Variants in PALM2AKAP2 observed in about 807,000 individuals in gnomAD.
PALM2AKAP2 encodes PALM2-AKAP2 fusion protein.
A neutral mutation model predicts 71.5 loss-of-function variants in PALM2AKAP2; 37 were observed. The ratio of observed to expected loss-of-function variants is 0.52; its 90% CI spans 0.40 to 0.68. The LOEUF (loss-of-function observed/expected upper bound fraction) is 0.68. Ranked by LOEUF, PALM2AKAP2 falls within the 30% of genes least tolerant of loss-of-function variation. PALM2AKAP2 has a pLI of 0.00. For missense variants in PALM2AKAP2, 1,224 were observed against 1,191.8 expected (o/e 1.03, Z -0.40); for synonymous variants, 468 against 478.8 (o/e 0.98, Z 0.29).
chr9:110,020,927 G>A (rs575231036), intron 7 of PALM2AKAP2, among the ~76,000 whole-genome samples: 86 of 152,120 alleles, frequency 5.7e-4, no homozygotes, highest in Non-Finnish European at 1.0e-3. Context: ...GGCCAACATG[G>A]TGAAACCCTG....
intron 3 of PALM2AKAP2, among the ~76,000 whole-genome samples, chr9:109,883,913 C>G (rs1306414290): frequency 2.0e-5 from 3 of 152,170 alleles, no homozygotes; most frequent in African/African-American, 7.2e-5. Context: ...GGGAGAGGTA[C>G]AAGAGGGCTG....
At chr9:110,136,147 G>A in exon 2 of PALM2AKAP2, 1 of 1,587,968 alleles carries the variant, frequency 6.3e-7, no homozygotes, top group East Asian at 2.2e-5. Context: ...AGCTTTCTGA[G>A]GATGATATCT....
At chr9:109,659,600 G>A (rs957443871) in intron 1 of PALM2AKAP2, among the ~76,000 whole-genome samples, 1 of 151,968 alleles carries the variant, frequency 6.6e-6, no homozygotes, top group African/African-American at 2.4e-5. Flanking sequence ...AGTATTCCAG[G>A]TCTTTTATTG....
chr9:110,068,853 A>T (rs961733044), intron 1 of PALM2AKAP2, among the ~76,000 whole-genome samples: 1 of 152,104 alleles, frequency 6.6e-6, no homozygotes, highest in Non-Finnish European at 1.5e-5. Flanking sequence ...TTAAAAGAGA[A>T]CTTCTTTCTT....
chr9:110,169,456 T>C (rs1836808358), exon 4 of PALM2AKAP2: 1 of 152,086 alleles, frequency 6.6e-6, no homozygotes, highest in Non-Finnish European at 1.5e-5. Context: ...AGGTAGATGA[T>C]AAGAAATAAA....
At chr9:109,738,325 C>T (rs959848471) in intron 1 of PALM2AKAP2, among the ~76,000 whole-genome samples, 3 of 152,162 alleles carry the variant, frequency 2.0e-5, no homozygotes, top group African/African-American at 4.8e-5. Context: ...CCACCAGGGG[C>T]TTACTGATTG....
chr9:110,138,277 T>C (rs1365184722), exon 2 of PALM2AKAP2: 4 of 1,614,230 alleles, frequency 2.5e-6, no homozygotes, highest in African/African-American at 1.3e-5. Flanking sequence ...AAGGAAGCTA[T>C]TTCAGCAAGT....
chr9:110,091,405 TG>T (rs1564299393), intron 1 of PALM2AKAP2, among the ~76,000 whole-genome samples: 163 of 19,948 alleles, frequency 8.2e-3, no homozygotes, highest in African/African-American at 0.067. Flanking sequence ...GTGGTTGGGG[TG>T]TGTGTGTGTG....
At chr9:110,078,994 C>T (rs189878906) in intron 1 of PALM2AKAP2, among the ~76,000 whole-genome samples, 3 of 152,264 alleles carry the variant, frequency 2.0e-5, no homozygotes, top group Admixed American at 2.0e-4. Flanking sequence ...GAAATATCGC[C>T]CTGGGCCGTT....
intron 1 of PALM2AKAP2, among the ~76,000 whole-genome samples, chr9:109,753,708 A>G (rs1292794913): frequency 1.3e-5 from 2 of 152,190 alleles, no homozygotes; most frequent in Non-Finnish European, 1.5e-5. Context: ...AAGTTAACTC[A>G]TCGAGGCAGT....
At chr9:109,722,973 T>C (rs1044500397) in intron 1 of PALM2AKAP2, among the ~76,000 whole-genome samples, 2 of 152,144 alleles carry the variant, frequency 1.3e-5, no homozygotes, top group Non-Finnish European at 2.9e-5. Context: ...CAAAGCCAAG[T>C]TGCCAGGTTC....
chr9:109,934,952 T>C (rs1368602607), intron 6 of PALM2AKAP2, among the ~76,000 whole-genome samples: 3 of 152,230 alleles, frequency 2.0e-5, no homozygotes, highest in Non-Finnish European at 4.4e-5. Flanking sequence ...ATTAAATTTC[T>C]TCTTGTTAGA....
intron 1 of PALM2AKAP2, among the ~76,000 whole-genome samples, chr9:110,134,155 C>T (rs969636004): frequency 6.6e-6 from 1 of 151,726 alleles, no homozygotes; most frequent in African/African-American, 2.4e-5. Context: ...CATGGTAATG[C>T]CCACCTGTAG....
chr9:109,682,590 G>A lies in PALM2AKAP2; in HGVS notation c.5+41724G>A, dbSNP rs150983329. ...GACGACTTACTACTAGACCTGGGAT[G>A]GGACTCAGGCCCACACATTTGTTCC... is the stretch of plus-strand genomic sequence containing the variant. On this transcript the variant is annotated intron_variant, in intron 1 of 6. Coordinates refer to the PALM2AKAP2 transcript ENST00000374531. 1.2e-3 allele frequency among the ~76,000 whole-genome samples: 179 copies of A among 152,288 alleles called. 1 individual carries two copies. Among genetic ancestry groups the A allele is most frequent in the African/African-American group, 4.0e-3 (168 of 41,556 alleles).
intron 6 of PALM2AKAP2, among the ~76,000 whole-genome samples, chr9:109,950,367 A>G (rs1485873714): frequency 6.6e-6 from 1 of 152,172 alleles, no homozygotes; most frequent in African/African-American, 2.4e-5. Flanking sequence ...TTTAGAGTTA[A>G]GTAGATACAG....
chr9:109,864,700 C>G (rs1829400956), intron 1 of PALM2AKAP2, among the ~76,000 whole-genome samples: 1 of 152,178 alleles, frequency 6.6e-6, no homozygotes, highest in Non-Finnish European at 1.5e-5. Context: ...TGGTAGCATT[C>G]AGTAGTTGCG....
In PALM2AKAP2 at chr9:110,154,762, A is replaced by G. The variant is rs540849889; in HGVS notation, c.2570-1557A>G. ...TGAAATGCAGTGCCCTTTTCTGTAT[A>G]TTAAAACCTATTTTCCACCTAATCC... On this transcript the variant is annotated intron_variant, in intron 2 of 3. Transcript: ENST00000374525. Among the ~76,000 whole-genome samples, 34 of 152,318 alleles carry G rather than the reference A, an allele frequency of 2.2e-4. 1 individual carries two copies. Among genetic ancestry groups the G allele is most frequent in the African/African-American group, 6.7e-4 (28 of 41,568 alleles).
exon 3 of PALM2AKAP2, chr9:109,880,551 T>A (rs1201746166): frequency 6.2e-7 from 1 of 1,612,576 alleles, no homozygotes; most frequent in Non-Finnish European, 8.5e-7. Flanking sequence ...ACTTCCACAG[T>A]CCAAAGTGCT....
rs147268617 is a variant in PALM2AKAP2, at chr9:109,887,867, T to C, written c.257+7186T>C. Among the ~76,000 whole-genome samples, 15 of 152,330 alleles carry C rather than the reference T, an allele frequency of 9.8e-5. No homozygotes were observed. In the South Asian group the frequency reaches 1.2e-3, roughly 13 times the overall value. ...TGAGACCTCTGATATTGAGTGAAAT[T>C]ACACTAACGTGCACCTCGTGATGTA... On this transcript the variant is annotated intron_variant, in intron 3 of 9. Coordinates refer to the PALM2AKAP2 transcript ENST00000302798.
Sources: gnomAD v4.1 joint callset for allele counts (sites outside exome capture counted in the v4.1 genomes callset) on GRCh38, gnomAD v4.1.1 for gene constraint, MANE v1.5 for transcripts, NCBI Gene and HGNC (gene_info 2026-07-23, HGNC 2026-07-21) for gene names.